UBAP1: variants seen among roughly 807,000 people sequenced by gnomAD.
UBAP1 encodes the protein ubiquitin-associated protein 1.
In UBAP1, 5 loss-of-function variants were observed where a neutral mutation model predicts 39.0. The observed-to-expected ratio is 0.13, with a 90% CI of 0.07 to 0.27. The LOEUF (loss-of-function observed/expected upper bound fraction) is 0.27, where lower values mean the gene tolerates loss of function less well. Ranked by LOEUF, UBAP1 falls within the 10% of genes least tolerant of loss-of-function variation. The pLI, the probability that UBAP1 is intolerant of heterozygous loss-of-function variation, is 1.00. For synonymous variants in UBAP1, 211 were observed against 225.1 expected, an observed-to-expected ratio of 0.94 and a Z score of 0.56; for missense variants, 490 against 608.1, an observed-to-expected ratio of 0.81 and a Z score of 2.04.
intron 1 of UBAP1, among the ~76,000 whole-genome samples, chr9:34,190,713 T>G (rs772632397): frequency 6.7e-6 from 1 of 149,082 alleles, no homozygotes; most frequent in South Asian, 2.1e-4. Flanking sequence ...AGCTCACTGC[T>G]GCAGCCTTGA....
intron 1 of UBAP1, among the ~76,000 whole-genome samples, chr9:34,212,814 T>C (rs1019363549): frequency 1.2e-4 from 18 of 152,178 alleles, no homozygotes; most frequent in South Asian, 2.1e-4. Flanking sequence ...CTGACACTAT[T>C]CCACAAGATA....
At chr9:34,233,228 T>C (rs1833519355) in intron 2 of UBAP1, among the ~76,000 whole-genome samples, 1 of 150,570 alleles carries the variant, frequency 6.6e-6, no homozygotes, top group Non-Finnish European at 1.5e-5. Context: ...TTCTCTTCTT[T>C]TTTTTTTTTT....
chr9:34,237,766 T>A (rs1489544643), intron 3 of UBAP1, among the ~76,000 whole-genome samples: 1 of 151,932 alleles, frequency 6.6e-6, no homozygotes, highest in Non-Finnish European at 1.5e-5. Context: ...TGGGGTTTCA[T>A]CATGTTGCCC....
chr9:34,240,671 T>C (rs1305375017), intron 3 of UBAP1, among the ~76,000 whole-genome samples: 1 of 152,216 alleles, frequency 6.6e-6, no homozygotes, highest in East Asian at 1.9e-4. Context: ...CATAATCTAA[T>C]AGATAGTGGT....
At chr9:34,213,313 C>T (rs1196059359) in intron 1 of UBAP1, among the ~76,000 whole-genome samples, 4 of 152,024 alleles carry the variant, frequency 2.6e-5, no homozygotes, top group African/African-American at 9.7e-5. Context: ...GAGTTTGAGA[C>T]CAGCCTGGCC....
chr9:34,203,412 C>T (rs779408453), intron 1 of UBAP1, among the ~76,000 whole-genome samples: 1 of 152,074 alleles, frequency 6.6e-6, no homozygotes, highest in Non-Finnish European at 1.5e-5. Context: ...TGATCTCATA[C>T]GAGAACTTGG....
At chr9:34,187,932 C>T (rs1247903954) in intron 1 of UBAP1, among the ~76,000 whole-genome samples, 2 of 151,112 alleles carry the variant, frequency 1.3e-5, no homozygotes, top group Non-Finnish European at 2.9e-5. Context: ...ATATATACAT[C>T]TTGGTGGCAT....
chr9:34,189,452 G>A (rs1587789830), intron 1 of UBAP1, among the ~76,000 whole-genome samples: 1 of 151,894 alleles, frequency 6.6e-6, no homozygotes, highest in East Asian at 1.9e-4. Context: ...TCCTCCCAAA[G>A]TGCTGGGATT....
At chr9:34,243,888 C>T (rs4879767) in intron 4 of UBAP1, among the ~76,000 whole-genome samples, 25,007 of 152,090 alleles carry the variant, frequency 0.16, 2,259 homozygotes, top group East Asian at 0.3. Context: ...CTCGCTCTGT[C>T]GCCCAGGCTG....
At chr9:34,219,249 G>A (rs547621164) in intron 1 of UBAP1, among the ~76,000 whole-genome samples, 10 of 151,764 alleles carry the variant, frequency 6.6e-5, no homozygotes, top group Non-Finnish European at 7.4e-5. Context: ...ACACCACACC[G>A]GCAAATTTTT....
intron 2 of UBAP1, among the ~76,000 whole-genome samples, chr9:34,229,207 GTT>G (rs1833275875): frequency 6.6e-6 from 1 of 151,344 alleles, no homozygotes; most frequent in Non-Finnish European, 1.5e-5. Context: ...CACTGTAGTA[GTT>G]TGCTACGTGA....
At chr9:34,197,738 T>A (rs1446036795) in intron 1 of UBAP1, among the ~76,000 whole-genome samples, 1 of 151,952 alleles carries the variant, frequency 6.6e-6, no homozygotes, top group Non-Finnish European at 1.5e-5. Context: ...TTAGTAGAGA[T>A]GGGGTTTCAC....
intron 1 of UBAP1, among the ~76,000 whole-genome samples, chr9:34,199,942 A>C (rs1563893166): frequency 1.3e-5 from 2 of 151,344 alleles, no homozygotes; most frequent in African/African-American, 4.9e-5. Context: ...CACTGCACCC[A>C]ACCCAGGTTT....
intron 1 of UBAP1, among the ~76,000 whole-genome samples, chr9:34,181,085 C>T (rs2131476606): frequency 6.7e-6 from 1 of 148,836 alleles, no homozygotes; most frequent in Non-Finnish European, 1.5e-5. Flanking sequence ...GCTGGGATTA[C>T]AGGCGTGAGC....
chr9:34,219,083 G>T (rs1832511957), intron 1 of UBAP1, among the ~76,000 whole-genome samples: 1 of 152,094 alleles, frequency 6.6e-6, no homozygotes, highest in East Asian at 1.9e-4. Flanking sequence ...GCTGAAAAAT[G>T]GAAACTTTTT....
rs1445642401 is a variant in UBAP1 at position 34,179,102 on chromosome 9, G to T, written c.-146G>T. 2.3e-6 allele frequency: 3 copies of T among 1,279,754 alleles called. No homozygotes were observed. The East Asian group carries it at 9.3e-5, about 40-fold the overall frequency. 79.3% of individuals were successfully genotyped at this position (1,279,754 alleles called of 1,614,324 possible). A position where few individuals can be genotyped will look rare whatever the true frequency, so the allele number is the denominator to read the frequency against. On this transcript the variant is annotated 5_prime_UTR_variant, in exon 1 of 7. Transcript: ENST00000297661. ...TGGCGGTGGCTACGGTGACGGCCTG[G>T]CCCGGAGCGGGCAGAGTTGGAGGTG...
At chr9:34,184,523 C>A (rs1303798037) in intron 1 of UBAP1, among the ~76,000 whole-genome samples, 1 of 147,928 alleles carries the variant, frequency 6.8e-6, no homozygotes, top group South Asian at 2.2e-4. Context: ...CCCAGCTACT[C>A]GGGAGGCTGA....
chr9:34,195,332 GAATT>G (rs1218550646), intron 1 of UBAP1, among the ~76,000 whole-genome samples: 3 of 151,742 alleles, frequency 2.0e-5, no homozygotes, highest in Admixed American at 6.6e-5. Context: ...GATTCATTTT[GAATT>G]AATTATATAT....
chr9:34,226,309 A>G lies in UBAP1; in HGVS notation c.34+5361A>G, dbSNP rs376913229. 1.1e-4 allele frequency among the ~76,000 whole-genome samples: 17 copies of G among 148,220 alleles called. No homozygotes were observed. The East Asian group carries it at 2.2e-3, about 19-fold the overall frequency. ...CAGTGGTGCCATCTCTGCTCACTGCAACCTCTGCCTCCTCAAGCAATTGCT... is the reference window on the plus strand; with the variant it reads ...CAGTGGTGCCATCTCTGCTCACTGCGACCTCTGCCTCCTCAAGCAATTGCT... On this transcript the variant is annotated intron_variant, in intron 2 of 6. Transcript: ENST00000297661.
Sources: allele counts gnomAD v4.1 joint callset (sites outside exome capture counted in the v4.1 genomes callset), GRCh38; gene constraint gnomAD v4.1.1; transcripts MANE v1.5; gene names NCBI Gene and HGNC (gene_info 2026-07-23, HGNC 2026-07-21).